The following CATSPERB variants were observed in gnomAD, a reference collection of about 807,000 sequenced individuals.
CATSPERB encodes catsper channel auxiliary subunit beta.
Under a neutral mutation model 128.3 loss-of-function variants are expected in CATSPERB, and 93 were observed. That is an observed-to-expected ratio of 0.72 (90% CI 0.61 to 0.86). The LOEUF is 0.86. CATSPERB is among the 40% of genes least tolerant of loss of function. The probability of loss-of-function intolerance (pLI) is 0.00; values close to 1 mark genes in which losing one functional copy is unlikely to be tolerated. For missense variants in CATSPERB, 1,153 were observed against 1,329.5 expected, an observed-to-expected ratio of 0.87 and a Z score of 2.06; for synonymous variants, 381 against 448.8, an observed-to-expected ratio of 0.85 and a Z score of 1.91.
intron 7 of CATSPERB, among the ~76,000 whole-genome samples, chr14:91,695,369 G>A (rs762823877): frequency 2.6e-5 from 4 of 152,106 alleles, no homozygotes; most frequent in Non-Finnish European, 4.4e-5. Context: ...GATCTCAAGT[G>A]ATTCGCCCAC....
intron 26 of CATSPERB, among the ~76,000 whole-genome samples, chr14:91,584,157 C>T (rs1893256031): frequency 6.6e-6 from 1 of 152,110 alleles, no homozygotes; most frequent in Non-Finnish European, 1.5e-5. Context: ...CAATCTCTGC[C>T]TCCTGGGTTC....
rs1324806460 is a variant in CATSPERB, at chr14:91,723,064, G to A, written c.294C>T (p.His98=). The A allele has an allele frequency of 2.7e-6, 4 of 1,501,988 alleles. No individual in the cohort carries two copies. The highest frequency in any genetic ancestry group is 3.6e-6 in the Non-Finnish European group (4 of 1,126,434). The allele number at this position is 1,501,988 out of a possible 1,614,324, so 93.0% of individuals were successfully genotyped here. The change falls in exon 4 of 27, where the codon CAC becomes CAT. Residue 98 remains histidine, a synonymous_variant. Transcript: ENST00000256343. ...ATGTAATTACCAACGTTAAATTAAA[G>A]TGGAAGATGCCATTATATGTACTAT... ...IMNSTYNGIF[H]FNLTLFSDRI...
intron 17 of CATSPERB, among the ~76,000 whole-genome samples, chr14:91,632,179 A>G (rs571359119): frequency 2.0e-5 from 3 of 152,324 alleles, no homozygotes; most frequent in African/African-American, 7.2e-5. Flanking sequence ...AATTGGCTAA[A>G]ACCACAAAAT....
chr14:91,680,016 C>T (rs1159742671), intron 11 of CATSPERB, among the ~76,000 whole-genome samples: 1 of 152,172 alleles, frequency 6.6e-6, no homozygotes, highest in Non-Finnish European at 1.5e-5. Flanking sequence ...TCTTTAGACC[C>T]AGACAAAGGC....
rs1032195954 is a variant in CATSPERB, at chr14:91,722,968, A to C, written c.309+81T>G. ...TAGATGTAATATTACTCAGCTACCT[A>C]TTTTTTAAAAAATACATCCTATAAG... On this transcript the variant is annotated intron_variant, in intron 4 of 26. Coordinates refer to ENST00000256343, the MANE Select transcript of CATSPERB (RefSeq NM_024764.4). 7 of 1,146,494 alleles carry C rather than the reference A, an allele frequency of 6.1e-6. No individual in the cohort carries two copies. In the African/African-American group the frequency reaches 1.1e-4, roughly 18 times the overall value. The allele number at this position is 1,146,494 out of a possible 1,614,324, so 71.0% of individuals were successfully genotyped here.
intron 11 of CATSPERB, among the ~76,000 whole-genome samples, chr14:91,676,437 G>A (rs1411469807): frequency 1.3e-5 from 2 of 151,936 alleles, no homozygotes; most frequent in Admixed American, 1.3e-4. Flanking sequence ...TTAAACTGAG[G>A]GGCAAGTTAT....
At position 91,589,535 on chromosome 14, in the gene CATSPERB, C is replaced by G. The variant is rs762092153; in HGVS notation, c.2955G>C (p.Leu985=). 2 of 1,611,410 alleles carry G rather than the reference C, an allele frequency of 1.2e-6. No individual in the cohort carries two copies. Among genetic ancestry groups the G allele is most frequent in the Non-Finnish European group, 1.7e-6 (2 of 1,178,516 alleles). ...TEVNMRHNWK[L]KHTVPENIKR... Reference sequence around the variant, plus strand: ...ATTACAGATGAAAGCAAACCCTACTCAGTTTCCAGTTGTGCCTCATGTTCA... The same window carrying G: ...ATTACAGATGAAAGCAAACCCTACTGAGTTTCCAGTTGTGCCTCATGTTCA... The change falls in exon 24 of 27, where the codon CTG becomes CTC. Residue 985 remains leucine (L), a splice_region_variant and synonymous_variant. Transcript: ENST00000256343.
intron 17 of CATSPERB, among the ~76,000 whole-genome samples, chr14:91,633,959 G>T (rs561151475): frequency 7.9e-5 from 12 of 152,102 alleles, no homozygotes; most frequent in Non-Finnish European, 1.8e-4. Flanking sequence ...AATATGCTAA[G>T]AAACATTAAG....
intron 22 of CATSPERB, among the ~76,000 whole-genome samples, chr14:91,599,582 C>T (rs1441372942): frequency 2.0e-5 from 3 of 148,946 alleles, no homozygotes; most frequent in African/African-American, 4.9e-5. Context: ...TTTATTTTGC[C>T]AGGGTTGAGG....
chr14:91,684,115 T>G (rs1002402104), intron 10 of CATSPERB, among the ~76,000 whole-genome samples, 172 bp from the exon 11 acceptor site: 2 of 152,182 alleles, frequency 1.3e-5, no homozygotes, highest in Non-Finnish European at 2.9e-5. Context: ...GAAACAGGAA[T>G]ATACATTTTG....
At chr14:91,594,025 T>C (rs1438278932) in intron 22 of CATSPERB, among the ~76,000 whole-genome samples, 2 of 152,178 alleles carry the variant, frequency 1.3e-5, no homozygotes, top group Non-Finnish European at 2.9e-5. Flanking sequence ...GCTGCTGCCA[T>C]GTAAGAAGTG....
chr14:91,584,321 G>A (rs1033818996), intron 26 of CATSPERB, among the ~76,000 whole-genome samples: 4 of 152,004 alleles, frequency 2.6e-5, no homozygotes, highest in Non-Finnish European at 4.4e-5. Flanking sequence ...TACCCATGTC[G>A]GCCTCCCAAA....
intron 19 of CATSPERB, among the ~76,000 whole-genome samples, chr14:91,620,137 C>T (rs1450978709): frequency 6.6e-6 from 1 of 152,100 alleles, no homozygotes; most frequent in Non-Finnish European, 1.5e-5. Flanking sequence ...GAATGTGATA[C>T]AGTCTTGAAG....
At chr14:91,653,808 T>C (rs932429576) in intron 15 of CATSPERB, among the ~76,000 whole-genome samples, 2 of 152,056 alleles carry the variant, frequency 1.3e-5, no homozygotes, top group Admixed American at 6.6e-5. Flanking sequence ...AAGGTGACAG[T>C]GGATGAGAAG....
At chr14:91,697,596 T>C (rs1485895383) in intron 7 of CATSPERB, among the ~76,000 whole-genome samples, 1 of 152,218 alleles carries the variant, frequency 6.6e-6, no homozygotes, top group Non-Finnish European at 1.5e-5. Context: ...TTCTTTTGTG[T>C]ATGGCTAGCC....
At chr14:91,658,625 G>T (rs930156203) in intron 15 of CATSPERB, among the ~76,000 whole-genome samples, 1 of 147,760 alleles carries the variant, frequency 6.8e-6, no homozygotes, top group Non-Finnish European at 1.5e-5. Context: ...ATTACACAGT[G>T]TATGCCTGTA....
At chr14:91,586,164 T>C (rs571776697) in intron 26 of CATSPERB, among the ~76,000 whole-genome samples, 1 of 152,304 alleles carries the variant, frequency 6.6e-6, no homozygotes, top group East Asian at 1.9e-4. Context: ...GGTGCTAGTT[T>C]ACATAAAGAA....
intron 1 of CATSPERB, among the ~76,000 whole-genome samples, chr14:91,731,280 A>G (rs1016806775): frequency 3.9e-5 from 6 of 152,142 alleles, no homozygotes; most frequent in Non-Finnish European, 7.4e-5. Flanking sequence ...TCTGCTACCT[A>G]CTGGTTTCTT....
At chr14:91,711,385 C>A (rs764388402) in intron 5 of CATSPERB, among the ~76,000 whole-genome samples, 12 of 152,144 alleles carry the variant, frequency 7.9e-5, no homozygotes, top group Non-Finnish European at 1.8e-4. Flanking sequence ...CATGTGCCAC[C>A]ACACCCAGCT....
Sources: gnomAD v4.1 joint callset for allele counts (sites outside exome capture counted in the v4.1 genomes callset) on GRCh38, gnomAD v4.1.1 for gene constraint, MANE v1.5 for transcripts, NCBI Gene and HGNC (gene_info 2026-07-23, HGNC 2026-07-21) for gene names.